The following SKAP2 variants were observed in gnomAD, a reference collection of about 807,000 sequenced individuals.
The protein encoded by SKAP2 is src kinase-associated phosphoprotein 2.
SKAP2 carries 28 observed loss-of-function variants against 54.9 expected under a neutral mutation model. The observed-to-expected ratio is 0.51, with a 90% CI of 0.38 to 0.70. The LOEUF is 0.70. Ranked by LOEUF, SKAP2 falls within the 30% of genes least tolerant of loss-of-function variation. SKAP2 has a pLI of 0.00. For synonymous variants in SKAP2, 137 were observed against 134.3 expected, an observed-to-expected ratio of 1.02 and a Z score of -0.14; for missense variants, 356 against 424.1, an observed-to-expected ratio of 0.84 and a Z score of 1.41.
chr7:26,720,605 T>C (rs1584350969), intron 9 of SKAP2, among the ~76,000 whole-genome samples: 1 of 152,084 alleles, frequency 6.6e-6, no homozygotes, highest in African/African-American at 2.4e-5. Context: ...GGCAAATTTA[T>C]AAAGGAAAGA....
intron 4 of SKAP2, among the ~76,000 whole-genome samples, chr7:26,809,337 C>T (rs958610008): frequency 3.3e-5 from 5 of 151,740 alleles, no homozygotes; most frequent in East Asian, 1.9e-4. Flanking sequence ...CATTTGAACC[C>T]GGGAGGCAGA....
At chr7:26,774,803 C>CT (rs1259139082) in intron 4 of SKAP2, among the ~76,000 whole-genome samples, 4 of 152,118 alleles carry the variant, frequency 2.6e-5, no homozygotes, top group East Asian at 3.9e-4. Flanking sequence ...TCTAGATAGA[C>CT]TTTTTTTAAC....
At position 26,852,962 on chromosome 7, in the gene SKAP2, C is replaced by T. The variant is rs539611972; in HGVS notation, c.199+1175G>A. 3.3e-5 allele frequency among the ~76,000 whole-genome samples: 5 copies of T among 152,014 alleles called. No homozygotes were observed. The South Asian group carries it at 1.0e-3, about 32-fold the overall frequency. ...ATACATTCGTCTAAACAAAATGTAGCATAATTAAACCCATAGTTTAGGATT... is the reference window on the plus strand; with the variant it reads ...ATACATTCGTCTAAACAAAATGTAGTATAATTAAACCCATAGTTTAGGATT... On this transcript the variant is annotated intron_variant, in intron 3 of 12. Coordinates refer to ENST00000345317, the MANE Select transcript of SKAP2 (RefSeq NM_003930.5).
chr7:26,777,861 A>C (rs1783345216), intron 4 of SKAP2, among the ~76,000 whole-genome samples: 1 of 152,108 alleles, frequency 6.6e-6, no homozygotes, highest in Non-Finnish European at 1.5e-5. Context: ...TAAATACTAC[A>C]TACCTGGTAA....
Position 26,739,880 on chromosome 7 carries a change from A to T in SKAP2, c.385+7T>A. On this transcript the variant is annotated splice_region_variant and intron_variant, in intron 5 of 12. Transcript: ENST00000345317. ...TTTTACATTTTTCATTAGAACCTTCAGTTTACCTTTTCTGCGTTTTTCAAG... is the reference window on the plus strand; with the variant it reads ...TTTTACATTTTTCATTAGAACCTTCTGTTTACCTTTTCTGCGTTTTTCAAG... 1 of 1,593,126 alleles carries T rather than the reference A, an allele frequency of 6.3e-7. No homozygotes were observed. Among genetic ancestry groups the T allele is most frequent in the South Asian group, 1.1e-5 (1 of 90,152 alleles).
chr7:26,844,203 T>TTA, intron 3 of SKAP2, 66 bp from the exon 4 acceptor site: 3 of 891,456 alleles, frequency 3.4e-6, no homozygotes, highest in Non-Finnish European at 5.5e-6. Context: ...TAATGTTACT[T>TTA]AATGTTAATG....
At chr7:26,682,630 T>C (rs1056555917) in intron 11 of SKAP2, among the ~76,000 whole-genome samples, 2 of 152,108 alleles carry the variant, frequency 1.3e-5, no homozygotes, top group African/African-American at 4.8e-5. Flanking sequence ...AATATGATCA[T>C]GATGGTGAAA....
At chr7:26,702,551 T>C (rs759285675) in intron 9 of SKAP2, among the ~76,000 whole-genome samples, 12 of 152,192 alleles carry the variant, frequency 7.9e-5, no homozygotes, top group Non-Finnish European at 1.6e-4. Flanking sequence ...TTCTTCTTGT[T>C]TGAAGATTCC....
intron 10 of SKAP2, among the ~76,000 whole-genome samples, chr7:26,688,328 A>G (rs1479479352): frequency 6.6e-6 from 1 of 152,204 alleles, no homozygotes; most frequent in African/African-American, 2.4e-5. Context: ...ATAAGTTTGA[A>G]CATGAAGGAA....
rs1380278034 is a variant in SKAP2 at position 26,864,393 on chromosome 7, G to A, written c.37C>T (p.Leu13Phe). ...AACAGGTTCCTAATTTCCTCAGGGA[G>A]GGGGTAGGGAGAGGAGGTGCTGCTG... is the stretch of plus-strand genomic sequence containing the variant. ...NPSSTSSPYP[L>F]PEEIRNLLAD... is the part of the protein sequence containing the mutation. Residue 13 changes from leucine to phenylalanine, a missense_variant, in exon 1 of 13, where the codon CTC becomes TTC. By Grantham distance (22) the Leu-to-Phe change is conservative. Coordinates refer to ENST00000345317, the MANE Select transcript of SKAP2 (RefSeq NM_003930.5). The A allele has an allele frequency of 6.2e-7, 1 of 1,613,128 alleles. No homozygotes were observed. The highest frequency in any genetic ancestry group is 8.5e-7 in the Non-Finnish European group (1 of 1,179,450).
chr7:26,684,340 T>A (rs372870138), intron 11 of SKAP2, among the ~76,000 whole-genome samples: 1 of 152,140 alleles, frequency 6.6e-6, no homozygotes, highest in South Asian at 2.1e-4. Flanking sequence ...TCTATAAACA[T>A]AGTGTTTCCA....
At chr7:26,742,550 T>G (rs954712957) in intron 4 of SKAP2, 3 of 152,206 alleles carry the variant, frequency 2.0e-5, no homozygotes, top group Admixed American at 6.5e-5. Flanking sequence ...CAATAAAATT[T>G]GATGTCATAA....
chr7:26,863,500 T>C (rs1316386365), intron 1 of SKAP2, among the ~76,000 whole-genome samples: 1 of 152,194 alleles, frequency 6.6e-6, no homozygotes, highest in Non-Finnish European at 1.5e-5. Flanking sequence ...TAAAAACATA[T>C]ATTTTCTACC....
intron 4 of SKAP2, among the ~76,000 whole-genome samples, chr7:26,769,017 G>A (rs1783124481): frequency 6.6e-6 from 1 of 152,116 alleles, no homozygotes; most frequent in Non-Finnish European, 1.5e-5. Flanking sequence ...TTCTAGGCTG[G>A]GGAAGTTCTC....
chr7:26,685,243 C>T (rs554231794), intron 10 of SKAP2, among the ~76,000 whole-genome samples: 23 of 152,120 alleles, frequency 1.5e-4, no homozygotes, highest in African/African-American at 5.1e-4. Flanking sequence ...GTGACACACA[C>T]TTTGTGAAAT....
rs1584354351 is a variant in SKAP2, at chr7:26,727,003, TTGTC to T, written c.470-1_472del. The T allele has an allele frequency of 1.1e-5, 17 of 1,599,254 alleles. No homozygotes were observed. The highest frequency in any genetic ancestry group is 1.4e-5 in the Non-Finnish European group (16 of 1,173,880). On this transcript the variant is annotated splice_acceptor_variant and coding_sequence_variant, in exon 7 of 13. Transcript: ENST00000345317. LOFTEE classifies it high-confidence loss of function. The stretch of plus-strand genomic sequence containing the variant: ...TATTGCAAATTCACCTTTCTGTTGT[TTGTC>T]TGTTGAAGATAAAACCAGTTAGAAT...
At position 26,699,806 on chromosome 7, in the gene SKAP2, C is replaced by T. The variant is rs181419646; in HGVS notation, c.797-9444G>A. Among the ~76,000 whole-genome samples the T allele has an allele frequency of 6.6e-5, 10 of 152,184 alleles. No individual in the cohort carries two copies. The East Asian group carries it at 1.9e-3, about 29-fold the overall frequency. The stretch of plus-strand genomic sequence containing the variant: ...TTTAGTTAAATATCTAAACATTGTT[C>T]ATCCACCACATGAAAAAAAATGATA... On this transcript the variant is annotated intron_variant, in intron 9 of 12. Coordinates refer to ENST00000345317, the MANE Select transcript of SKAP2 (RefSeq NM_003930.5).
intron 4 of SKAP2, among the ~76,000 whole-genome samples, chr7:26,829,440 G>A (rs1784559129): frequency 6.6e-6 from 1 of 152,090 alleles, no homozygotes; most frequent in Admixed American, 6.5e-5. Context: ...CTACTTGAGA[G>A]GCTGAGTTGA....
At chr7:26,721,725 T>C (rs1787581783) in intron 9 of SKAP2, among the ~76,000 whole-genome samples, 1 of 152,194 alleles carries the variant, frequency 6.6e-6, no homozygotes, top group South Asian at 2.1e-4. Context: ...CTGATTCTAT[T>C]CAGTTTAGAT....
Sources: gnomAD v4.1 joint callset for allele counts (sites outside exome capture counted in the v4.1 genomes callset) on GRCh38, gnomAD v4.1.1 for gene constraint, MANE v1.5 for transcripts, NCBI Gene and HGNC (gene_info 2026-07-23, HGNC 2026-07-21) for gene names.